BTBD7: variants seen among roughly 807,000 people sequenced by gnomAD.
BTBD7 encodes the protein BTB/POZ domain-containing protein 7.
Under a neutral mutation model 99.9 loss-of-function variants are expected in BTBD7, and 38 were observed. That is an observed-to-expected ratio of 0.38 (90% CI 0.29 to 0.50). The LOEUF is 0.50. Ranked by LOEUF, BTBD7 falls within the 20% of genes least tolerant of loss-of-function variation. The pLI, the probability that BTBD7 is intolerant of heterozygous loss-of-function variation, is 0.93. For missense variants in BTBD7, 1,170 were observed against 1,394.6 expected (o/e 0.84, Z 2.57); for synonymous variants, 520 against 511.4 (o/e 1.02, Z -0.23).
At chr14:93,278,873 T>C (rs1371929196) in intron 3 of BTBD7, among the ~76,000 whole-genome samples, 1 of 152,150 alleles carries the variant, frequency 6.6e-6, no homozygotes, top group Non-Finnish European at 1.5e-5. Flanking sequence ...TGGTACCCCA[T>C]TTGGCTGTAA....
intron 2 of BTBD7, 142 bp downstream of exon 2, chr14:93,295,828 G>A (rs1016155108): frequency 1.5e-4 from 107 of 723,126 alleles, no homozygotes; most frequent in Non-Finnish European, 7.1e-5. Flanking sequence ...TAAGATTTAC[G>A]TTTGTTGGGG....
chr14:93,311,002 T>C (rs1196848917), intron 1 of BTBD7, among the ~76,000 whole-genome samples: 5 of 152,140 alleles, frequency 3.3e-5, no homozygotes, highest in Non-Finnish European at 1.5e-5. Context: ...TCATCAACTA[T>C]TCAGTTGTCC....
intron 3 of BTBD7, among the ~76,000 whole-genome samples, chr14:93,281,175 T>C (rs2052715181): frequency 6.6e-6 from 1 of 151,866 alleles, no homozygotes; most frequent in Non-Finnish European, 1.5e-5. Flanking sequence ...TCTTTTTTTT[T>C]TTTTTTTGTA....
chr14:93,251,376 G>A, intron 8 of BTBD7, 87 bp downstream of exon 8: 2 of 1,340,676 alleles, frequency 1.5e-6, no homozygotes, highest in Non-Finnish European at 1.0e-6. Flanking sequence ...GAGAGAATTA[G>A]CATATACAGA....
chr14:93,318,812 T>C (rs1371627870), intron 1 of BTBD7, among the ~76,000 whole-genome samples: 1 of 152,228 alleles, frequency 6.6e-6, no homozygotes, highest in Non-Finnish European at 1.5e-5. Flanking sequence ...AATTAAAATT[T>C]CCATGTCCTC....
intron 5 of BTBD7, among the ~76,000 whole-genome samples, chr14:93,259,675 T>C (rs1454648567): frequency 2.0e-5 from 3 of 152,230 alleles, no homozygotes. Flanking sequence ...ATGGTTTTCA[T>C]ATTTTAAAAA....
rs192373029 is a variant in BTBD7, at chr14:93,239,609, C to T, written c.*2664G>A. 1 of 152,674 alleles carries T rather than the reference C, an allele frequency of 6.5e-6. No homozygotes were observed. Among genetic ancestry groups the T allele is most frequent in the African/African-American group, 2.4e-5 (1 of 41,546 alleles). 9.5% of individuals were successfully genotyped at this position (152,674 alleles called of 1,614,324 possible). ...ACAAGATACATTAAAAGTCCACTAA[C>T]ACCTAACCTAACGCACACAAAACCC... is the stretch of plus-strand genomic sequence containing the variant. On this transcript the variant is annotated 3_prime_UTR_variant, in exon 11 of 11. Transcript: ENST00000334746.
At chr14:93,305,243 A>C (rs2053056536) in intron 1 of BTBD7, among the ~76,000 whole-genome samples, 1 of 152,094 alleles carries the variant, frequency 6.6e-6, no homozygotes, top group Non-Finnish European at 1.5e-5. Context: ...CTGGCTAGTC[A>C]CTCCATTCTG....
intron 1 of BTBD7, among the ~76,000 whole-genome samples, chr14:93,316,135 G>A (rs1346782622): frequency 6.6e-6 from 1 of 151,616 alleles, no homozygotes; most frequent in African/African-American, 2.4e-5. Flanking sequence ...TGTATTTTTA[G>A]TAGAGATAGG....
At chr14:93,329,851 T>C (rs1481177506) in intron 1 of BTBD7, among the ~76,000 whole-genome samples, 3 of 152,150 alleles carry the variant, frequency 2.0e-5, no homozygotes, top group African/African-American at 7.2e-5. Context: ...AAACTCCAAA[T>C]GAAAGAATTC....
chr14:93,300,510 C>A (rs1025624309), intron 1 of BTBD7, among the ~76,000 whole-genome samples: 1 of 152,012 alleles, frequency 6.6e-6, no homozygotes, highest in African/African-American at 2.4e-5. Context: ...CCCACCTCAG[C>A]CTCCCAAAGT....
At chr14:93,321,860 A>C (rs1216120093) in intron 1 of BTBD7, among the ~76,000 whole-genome samples, 1 of 152,210 alleles carries the variant, frequency 6.6e-6, no homozygotes, top group African/African-American at 2.4e-5. Context: ...GACTGACAAT[A>C]GAAAGTGTGA....
At position 93,277,813 on chromosome 14, in the gene BTBD7, G is replaced by A. The variant is rs35290091; in HGVS notation, c.1163-13820C>T. ...ATGTGCAAGGGGGAAGGGAGGGAGC[G>A]TAGTCTGAAGAGAGCAGGGCAAGTC... On this transcript the variant is annotated intron_variant, in intron 3 of 10. Coordinates refer to ENST00000334746, the MANE Select transcript of BTBD7 (RefSeq NM_001002860.4). Among the ~76,000 whole-genome samples, 655 of 152,266 alleles carry A rather than the reference G, an allele frequency of 4.3e-3. 4 individuals carry two copies. The highest frequency in any genetic ancestry group is 6.4e-3 in the Non-Finnish European group (437 of 68,016).
At chr14:93,274,117 C>A (rs989386504) in intron 3 of BTBD7, among the ~76,000 whole-genome samples, 1 of 152,184 alleles carries the variant, frequency 6.6e-6, no homozygotes, top group African/African-American at 2.4e-5. Flanking sequence ...GCTGCCTAGG[C>A]CTGCTGAAGT....
At chr14:93,291,574 T>A (rs1288392166) in intron 3 of BTBD7, among the ~76,000 whole-genome samples, 1 of 152,142 alleles carries the variant, frequency 6.6e-6, no homozygotes, top group African/African-American at 2.4e-5. Flanking sequence ...GGGAAAGATA[T>A]GCCCCACATG....
In BTBD7 at chr14:93,289,851, C is replaced by CTT. The variant is rs34820136; in HGVS notation, c.1162+4005_1162+4006dup. On this transcript the variant is annotated intron_variant, in intron 3 of 10. Coordinates refer to ENST00000334746, the MANE Select transcript of BTBD7 (RefSeq NM_001002860.4). ...AGGCCAAGAATCTCAACTCTCTGGG[C>CTT]TTTTTTTTTTTTTTTTTTTTTGGAG... Among the ~76,000 whole-genome samples the CTT allele has an allele frequency of 8.9e-3, 873 of 98,424 alleles. 17 individuals are homozygous for CTT. Among genetic ancestry groups the CTT allele is most frequent in the East Asian group, 0.018 (56 of 3,198 alleles). The allele number at this position is 98,424 out of a possible 152,430, so 64.6% of individuals were successfully genotyped here.
chr14:93,294,891 C>T lies in BTBD7; in HGVS notation c.129G>A (p.Leu43=), dbSNP rs753351803. 3 of 1,607,928 alleles carry T rather than the reference C, an allele frequency of 1.9e-6. No individual in the cohort carries two copies. Among genetic ancestry groups the T allele is most frequent in the African/African-American group, 2.7e-5 (2 of 74,202 alleles). ...TCTCATGGCCATGGTCAAGGCTATACAACTTTGATTCGCAACCATAGCCTT... is the reference window on the plus strand; with the variant it reads ...TCTCATGGCCATGGTCAAGGCTATATAACTTTGATTCGCAACCATAGCCTT... ...SQQGYGCESK[L]YSLDHGHEKP... The change falls in exon 3 of 11, where the codon TTG becomes TTA. Residue 43 remains leucine (L), a synonymous_variant. Coordinates refer to ENST00000334746, the MANE Select transcript of BTBD7 (RefSeq NM_001002860.4).
chr14:93,302,017 G>GGGTTTGTT (rs1566857839), intron 1 of BTBD7, among the ~76,000 whole-genome samples: 1 of 152,212 alleles, frequency 6.6e-6, no homozygotes, highest in African/African-American at 2.4e-5. Context: ...CAAAGCATGT[G>GGGTTTGTT]AGGGGTAGAG....
At chr14:93,277,755 TTC>T (rs1392910477) in intron 3 of BTBD7, among the ~76,000 whole-genome samples, 1 of 152,202 alleles carries the variant, frequency 6.6e-6, no homozygotes, top group Admixed American at 6.5e-5. Context: ...TACTGATGTA[TTC>T]TACTACCAAA....
Sources: gnomAD v4.1 joint callset for allele counts (sites outside exome capture counted in the v4.1 genomes callset) on GRCh38, gnomAD v4.1.1 for gene constraint, MANE v1.5 for transcripts, NCBI Gene and HGNC (gene_info 2026-07-23, HGNC 2026-07-21) for gene names.